Variants in NOX4 observed in about 807,000 individuals in gnomAD.
The protein encoded by NOX4 is kidney oxidase-1.
Under a neutral mutation model 87.6 loss-of-function variants are expected in NOX4, and 69 were observed. That is an observed-to-expected ratio of 0.79 (90% CI 0.65 to 0.96). The LOEUF is 0.96. Ranked by LOEUF, NOX4 falls within the 40% of genes least tolerant of loss-of-function variation. The probability of loss-of-function intolerance (pLI) is 0.00; values close to 1 mark genes in which losing one functional copy is unlikely to be tolerated. For missense variants in NOX4, 680 were observed against 681.5 expected (o/e 1.00, Z 0.02); for synonymous variants, 275 against 238.2 (o/e 1.15, Z -1.42).
At chr11:89,472,699 T>A (rs780898549) in intron 2 of NOX4, among the ~76,000 whole-genome samples, 13 of 152,214 alleles carry the variant, frequency 8.5e-5, no homozygotes, top group Non-Finnish European at 1.9e-4. Flanking sequence ...GTCTACCTTG[T>A]CTTTCCAGTG....
chr11:89,525,391 A>AT, the NOX4 span, among the ~76,000 whole-genome samples: 9 of 152,090 alleles, frequency 5.9e-5, no homozygotes, highest in Middle Eastern at 3.4e-3. Context: ...TGGTATTATT[A>AT]TTTTTTTAAT....
At chr11:89,524,099 C>T in the NOX4 span, among the ~76,000 whole-genome samples, 1 of 152,084 alleles carries the variant, frequency 6.6e-6, no homozygotes, top group Non-Finnish European at 1.5e-5. Flanking sequence ...ACAAATCTGT[C>T]AAAATCTTTC....
intron 5 of NOX4, among the ~76,000 whole-genome samples, chr11:89,441,921 G>A (rs1256817229): frequency 1.4e-5 from 2 of 146,158 alleles, no homozygotes; most frequent in South Asian, 2.1e-4. Flanking sequence ...TTTCAAAAGT[G>A]CTTCACAAAA....
rs139981946 is a variant in NOX4 at position 89,375,039 on chromosome 11, G to A, written c.1075-1547C>T. Among the ~76,000 whole-genome samples the A allele has an allele frequency of 8.2e-4, 125 of 152,168 alleles. 1 individual carries two copies. Among genetic ancestry groups the A allele is most frequent in the African/African-American group, 3.0e-3 (123 of 41,514 alleles). On this transcript the variant is annotated intron_variant, in intron 11 of 17. Coordinates refer to ENST00000263317, the MANE Select transcript of NOX4 (RefSeq NM_016931.5). ...ATCAGTGAAAACACTAAATATAAAG[G>A]TAGGTATTTGTCATTGATTCATAAT...
At chr11:89,369,827 G>A (rs751172476) in intron 12 of NOX4, among the ~76,000 whole-genome samples, 30 of 151,652 alleles carry the variant, frequency 2.0e-4, no homozygotes, top group Non-Finnish European at 4.3e-4. Context: ...CTAGTGCAAG[G>A]TGGTTGATGT....
At chr11:89,476,705 A>G (rs1946183009) in intron 2 of NOX4, among the ~76,000 whole-genome samples, 1 of 152,192 alleles carries the variant, frequency 6.6e-6, no homozygotes, top group Non-Finnish European at 1.5e-5. Flanking sequence ...GCAGCAGGAT[A>G]TTAGAGGTAA....
At chr11:89,357,678 T>A (rs1565193188) in intron 12 of NOX4, among the ~76,000 whole-genome samples, 1 of 152,202 alleles carries the variant, frequency 6.6e-6, no homozygotes, top group Non-Finnish European at 1.5e-5. Context: ...TGTGTTATGA[T>A]ATTCCTTGAA....
chr11:89,355,788 A>G (rs908805335), intron 12 of NOX4, among the ~76,000 whole-genome samples: 2 of 152,026 alleles, frequency 1.3e-5, no homozygotes, highest in African/African-American at 4.8e-5. Context: ...CTGTGGCCCA[A>G]TATTTCCATT....
At chr11:89,453,557 G>A (rs74602331) in intron 2 of NOX4, among the ~76,000 whole-genome samples, 2,311 of 152,132 alleles carry the variant, frequency 0.015, 62 homozygotes, top group African/African-American at 0.052. Context: ...AGAACATAAC[G>A]GAATAAAAAT....
intron 5 of NOX4, among the ~76,000 whole-genome samples, chr11:89,441,316 C>T (rs1479834104): frequency 1.3e-5 from 2 of 152,114 alleles, no homozygotes; most frequent in African/African-American, 4.8e-5. Context: ...TAAACTACAT[C>T]TCTTATGCTC....
the NOX4 span, among the ~76,000 whole-genome samples, chr11:89,564,752 T>TTG: frequency 9.5e-6 from 1 of 105,468 alleles, no homozygotes; most frequent in Non-Finnish European, 1.9e-5. Flanking sequence ...TGTTTGTTTT[T>TTG]TGTTTTTTTT....
chr11:89,438,252 A>C (rs1944182999), intron 6 of NOX4, among the ~76,000 whole-genome samples: 1 of 138,338 alleles, frequency 7.2e-6, no homozygotes, highest in African/African-American at 2.7e-5. Flanking sequence ...GTAATATATT[A>C]TTATTATATA....
At chr11:89,374,032 A>G (rs1939654160) in intron 11 of NOX4, among the ~76,000 whole-genome samples, 1 of 152,034 alleles carries the variant, frequency 6.6e-6, no homozygotes, top group South Asian at 2.1e-4. Context: ...GTAGCTGGGG[A>G]GAGGGATGAG....
intron 8 of NOX4, among the ~76,000 whole-genome samples, chr11:89,415,613 ACG>A (rs907986000): frequency 6.6e-6 from 1 of 152,110 alleles, no homozygotes; most frequent in Non-Finnish European, 1.5e-5. Flanking sequence ...ATATGCAGAT[ACG>A]TGTGTGTATG....
intron 8 of NOX4, among the ~76,000 whole-genome samples, chr11:89,409,529 G>A (rs189401895): frequency 4.6e-5 from 7 of 152,248 alleles, no homozygotes; most frequent in East Asian, 3.9e-4. Context: ...GTAAGGCATC[G>A]TTAATGGGGT....
At chr11:89,548,869 G>A in the NOX4 span, 1 of 152,110 alleles carries the variant, frequency 6.6e-6, no homozygotes, top group African/African-American at 2.4e-5. Context: ...GGAGACACCA[G>A]CAGGAGAAAC....
intron 4 of NOX4, 123 bp from the exon 5 acceptor site, chr11:89,444,355 A>G: frequency 1.4e-6 from 1 of 732,600 alleles, no homozygotes; most frequent in South Asian, 1.9e-5. Flanking sequence ...GGACAATGAA[A>G]TATTACATTG....
intron 2 of NOX4, among the ~76,000 whole-genome samples, chr11:89,455,893 T>G (rs1477004406): frequency 6.6e-6 from 1 of 151,894 alleles, no homozygotes; most frequent in Non-Finnish European, 1.5e-5. Context: ...ATTGAACTCA[T>G]GGAGACAGAG....
chr11:89,386,462 C>T (rs1472018377), intron 11 of NOX4, among the ~76,000 whole-genome samples: 1 of 152,128 alleles, frequency 6.6e-6, no homozygotes, highest in Non-Finnish European at 1.5e-5. Flanking sequence ...CCCTCCAAAA[C>T]TTTCACCCTG....
Sources: allele counts gnomAD v4.1 joint callset (sites outside exome capture counted in the v4.1 genomes callset), GRCh38; gene constraint gnomAD v4.1.1; transcripts MANE v1.5; gene names NCBI Gene and HGNC (gene_info 2026-07-23, HGNC 2026-07-21).